The following ZNF507 variants were observed in gnomAD, a reference collection of about 807,000 sequenced individuals.
The protein encoded by ZNF507 is zinc finger protein 507.
ZNF507 carries 29 observed loss-of-function variants against 80.0 expected under a neutral mutation model. The observed-to-expected ratio is 0.36, with a 90% CI of 0.27 to 0.49. The LOEUF is 0.49. Among genes scored for constraint, ZNF507 ranks in the 20% least tolerant of loss-of-function variants. ZNF507 has a pLI of 0.98. For synonymous variants in ZNF507, 462 were observed against 422.5 expected (o/e 1.09, Z -1.15); for missense variants, 1,081 against 1,152.2 (o/e 0.94, Z 0.90).
rs1254339953 is a variant in ZNF507, at chr19:32,353,184, T to C, written c.354T>C (p.Asn118=). ...TTACCCCTGACACTCTTGCCCAGAA[T>C]GAAGGGAAGGCTATGTCTTATCAGT... ...TNFTPDTLAQ[N]EGKAMSYQCS... Residue 118 remains asparagine, a synonymous_variant, in exon 3 of 7, where the codon AAT becomes AAC. Coordinates refer to ENST00000355898, the MANE Select transcript of ZNF507 (RefSeq NM_001136156.2). 3 of 1,614,188 alleles carry C rather than the reference T, an allele frequency of 1.9e-6. No homozygotes were observed. In the South Asian group the frequency reaches 3.3e-5, roughly 18 times the overall value.
rs758919733 is a variant in ZNF507 at position 32,353,870 on chromosome 19, A to C, written c.1040A>C (p.His347Pro). The change falls in exon 3 of 7, where the codon CAC (histidine) becomes CCC (proline). Residue 347 changes from histidine (H) to proline (P), a missense_variant. By Grantham distance (77) the His-to-Pro change is moderately conservative. Around this residue, in one of 6 missense-constraint regions of ZNF507, gnomAD observed 614 missense variants for 583.9 expected, o/e 1.05. Transcript: ENST00000355898. ...GAACAGAGTGCAGAAAGAGGAGTAC[A>C]CCTAAGTCAGTCAGTTACCCTGGAC... ...PLEQSAERGV[H>P]LSQSVTLDPN... 6.2e-7 allele frequency: 1 copy of C among 1,614,176 alleles called. No homozygotes were observed. Among genetic ancestry groups the C allele is most frequent in the Non-Finnish European group, 8.5e-7 (1 of 1,180,032 alleles).
In ZNF507 at chr19:32,375,957, ACTGTGTTCTCAGAAG is replaced by A. The variant is rs530351165; in HGVS notation, c.2361-6507_2361-6493del. Reference sequence around the variant, plus strand: ...CTGGTGCACAAATTAAAGTTTATAAACTGTGTTCTCAGAAGCTTTAAGTGCCTAAGATTTTTATAC... The same window carrying A: ...CTGGTGCACAAATTAAAGTTTATAAACTTTAAGTGCCTAAGATTTTTATAC... On this transcript the variant is annotated intron_variant, in intron 5 of 6. Transcript: ENST00000355898. Among the ~76,000 whole-genome samples the A allele has an allele frequency of 3.2e-3, 489 of 152,300 alleles. 1 individual carries two copies. The highest frequency in any genetic ancestry group is 0.011 in the African/African-American group (466 of 41,564).
intron 2 of ZNF507, among the ~76,000 whole-genome samples, chr19:32,351,294 T>G (rs1479727712): frequency 6.6e-6 from 1 of 152,104 alleles, no homozygotes; most frequent in African/African-American, 2.4e-5. Flanking sequence ...AGTAAAGTGT[T>G]TGCATTTTTG....
chr19:32,368,895 A>G (rs985814364), intron 5 of ZNF507, among the ~76,000 whole-genome samples: 1 of 152,210 alleles, frequency 6.6e-6, no homozygotes, highest in Admixed American at 6.5e-5. Flanking sequence ...GGTCACCCCA[A>G]ATCTTGTAGG....
chr19:32,381,171 G>A (rs912169628), intron 5 of ZNF507, among the ~76,000 whole-genome samples: 3 of 152,122 alleles, frequency 2.0e-5, no homozygotes, highest in Non-Finnish European at 2.9e-5. Flanking sequence ...GCAAAACTAT[G>A]GAGTCAACAA....
chr19:32,352,919 C>T lies in ZNF507; in HGVS notation c.89C>T (p.Ser30Leu). 6.2e-7 allele frequency: 1 copy of T among 1,614,022 alleles called. No homozygotes were observed. Among genetic ancestry groups the T allele is most frequent in the South Asian group, 1.1e-5 (1 of 91,034 alleles). The change falls in exon 3 of 7, where the codon TCA (serine) becomes TTA (leucine). Residue 30 changes from serine to leucine, a missense_variant. Physicochemically the swap from Ser to Leu is moderately radical, Grantham distance 145. Around this residue, in one of 6 missense-constraint regions of ZNF507, gnomAD observed 275 missense variants for 303.9 expected, o/e 0.90. Transcript: ENST00000355898. ...ACTGCTGAAAGTATCATCAGTCCTT[C>T]ATTGGAAATTGATGAACAAAGAAAA... ...ILTAESIISPSLEIDEQRKTK... is the reference protein window; with the variant it reads ...ILTAESIISPLLEIDEQRKTK...
chr19:32,384,214 A>G lies in ZNF507; in HGVS notation c.*1131A>G, dbSNP rs1297309286. On this transcript the variant is annotated 3_prime_UTR_variant, in exon 7 of 7. Transcript: ENST00000355898. ...TTTTAATAACAAATAGCATTTGGCA[A>G]GTCTATAGGATTCTTCCTATCTGGA... is the stretch of plus-strand genomic sequence containing the variant. 6.6e-6 allele frequency: 1 copy of G among 152,204 alleles called. No homozygotes were observed. Among genetic ancestry groups the G allele is most frequent in the Non-Finnish European group, 1.5e-5 (1 of 68,032 alleles). 9.4% of individuals were successfully genotyped at this position (152,204 alleles called of 1,614,324 possible). A position where few individuals can be genotyped will look rare whatever the true frequency, so the allele number is the denominator to read the frequency against.
At chr19:32,382,352 G>GATATGTCTA in intron 5 of ZNF507, 115 bp from the exon 6 acceptor site, 1 of 1,279,838 alleles carries the variant, frequency 7.8e-7, no homozygotes, top group Non-Finnish European at 1.1e-6. Flanking sequence ...AGTGAAATAC[G>GATATGTCTA]ATATGTCTAA....
intron 3 of ZNF507, among the ~76,000 whole-genome samples, chr19:32,356,040 G>A (rs1967247549): frequency 6.6e-6 from 1 of 152,108 alleles, no homozygotes; most frequent in Non-Finnish European, 1.5e-5. Flanking sequence ...TTGAGTCTGA[G>A]GTTCACTGCT....
At chr19:32,349,101 G>C (rs1967130751) in intron 2 of ZNF507, among the ~76,000 whole-genome samples, 1 of 152,198 alleles carries the variant, frequency 6.6e-6, no homozygotes, top group South Asian at 2.1e-4. Context: ...AAGGGTCTTG[G>C]AGAGCAGCCT....
At chr19:32,367,208 C>G (rs1194617094) in intron 5 of ZNF507, among the ~76,000 whole-genome samples, 1 of 152,126 alleles carries the variant, frequency 6.6e-6, no homozygotes, top group East Asian at 1.9e-4. Flanking sequence ...TCTTAACAGT[C>G]AGATCTTGCA....
At chr19:32,368,474 T>G (rs1412930186) in intron 5 of ZNF507, among the ~76,000 whole-genome samples, 1 of 152,180 alleles carries the variant, frequency 6.6e-6, no homozygotes, top group African/African-American at 2.4e-5. Flanking sequence ...AGGCAAAAGC[T>G]CTGTTGCCTT....
chr19:32,347,714 G>T (rs774590902), intron 2 of ZNF507, among the ~76,000 whole-genome samples: 9 of 151,994 alleles, frequency 5.9e-5, no homozygotes, highest in Non-Finnish European at 8.8e-5. Flanking sequence ...CACCTCATGG[G>T]CAAGGATTTC....
At position 32,353,374 on chromosome 19, in the gene ZNF507, G is replaced by A; in HGVS notation, c.544G>A (p.Ala182Thr). Reference protein sequence around the residue: ...AHVVNDHDNDANIHTQSKAQQ... With the variant: ...AHVVNDHDNDTNIHTQSKAQQ... Reference sequence around the variant, plus strand: ...CGTGGTGAATGACCATGACAATGATGCCAATATCCACACCCAATCCAAAGC... The same window carrying A: ...CGTGGTGAATGACCATGACAATGATACCAATATCCACACCCAATCCAAAGC... The change falls in exon 3 of 7, where the codon GCC becomes ACC. Residue 182 changes from alanine (A) to threonine (T), a missense_variant. Around this residue, in one of 6 missense-constraint regions of ZNF507, gnomAD observed 275 missense variants for 303.9 expected, o/e 0.90. Coordinates refer to ENST00000355898, the MANE Select transcript of ZNF507 (RefSeq NM_001136156.2). 1.9e-6 allele frequency: 3 copies of A among 1,614,202 alleles called. No homozygotes were observed. Among genetic ancestry groups the A allele is most frequent in the Non-Finnish European group, 2.5e-6 (3 of 1,180,044 alleles).
chr19:32,368,475 C>T (rs2868082), intron 5 of ZNF507, among the ~76,000 whole-genome samples: 4 of 151,952 alleles, frequency 2.6e-5, no homozygotes, highest in Non-Finnish European at 4.4e-5. Flanking sequence ...GGCAAAAGCT[C>T]TGTTGCCTTT....
intron 3 of ZNF507, among the ~76,000 whole-genome samples, chr19:32,355,481 G>A (rs1967239941): frequency 6.6e-6 from 1 of 152,148 alleles, no homozygotes; most frequent in Non-Finnish European, 1.5e-5. Flanking sequence ...AGAGCCATGT[G>A]TGTCATGTTT....
chr19:32,378,983 G>GTA (rs1470033200), intron 5 of ZNF507, among the ~76,000 whole-genome samples: 1 of 152,166 alleles, frequency 6.6e-6, no homozygotes, highest in African/African-American at 2.4e-5. Context: ...AGTCACCTTG[G>GTA]TAGAGGCACT....
chr19:32,355,463 A>G (rs564936388), intron 3 of ZNF507, among the ~76,000 whole-genome samples: 78 of 152,314 alleles, frequency 5.1e-4, no homozygotes, highest in African/African-American at 1.8e-3. Flanking sequence ...AGGTACTGTC[A>G]TGGAAATAGA....
At position 32,354,499 on chromosome 19, in the gene ZNF507, C is replaced by A; in HGVS notation, c.1669C>A (p.Leu557Ile). The change falls in exon 3 of 7, where the codon CTT (leucine) becomes ATT (isoleucine). Residue 557 changes from leucine to isoleucine, a missense_variant. By Grantham distance (5) the Leu-to-Ile change is conservative. Coordinates refer to ENST00000355898, the MANE Select transcript of ZNF507 (RefSeq NM_001136156.2). ...AAACTCTTCAGATGGATTAACTAGTCTTAACCAAAGCAACTCCACCTTGGT... is the reference window on the plus strand; with the variant it reads ...AAACTCTTCAGATGGATTAACTAGTATTAACCAAAGCAACTCCACCTTGGT... ...LKNSSDGLTS[L>I]NQSNSTLVAL... 3 of 1,614,180 alleles carry A rather than the reference C, an allele frequency of 1.9e-6. No homozygotes were observed. Among genetic ancestry groups the A allele is most frequent in the Non-Finnish European group, 2.5e-6 (3 of 1,180,038 alleles).
Sources: allele counts gnomAD v4.1 joint callset (sites outside exome capture counted in the v4.1 genomes callset), GRCh38; gene constraint gnomAD v4.1.1; regional missense constraint gnomAD v4.1.1; transcripts MANE v1.5; gene names NCBI Gene and HGNC (gene_info 2026-07-23, HGNC 2026-07-21).